Variants in ADAMTS1 observed in about 807,000 individuals in gnomAD.
The protein encoded by ADAMTS1 is A disintegrin and metalloproteinase with thrombospondin motifs 1.
ADAMTS1 carries 19 observed loss-of-function variants against 87.9 expected under a neutral mutation model. The ratio of observed to expected loss-of-function variants is 0.22; its 90% CI spans 0.15 to 0.32. The LOEUF (loss-of-function observed/expected upper bound fraction) is 0.32, where lower values mean the gene tolerates loss of function less well. ADAMTS1 is among the 10% of genes least tolerant of loss of function. The probability of loss-of-function intolerance (pLI) is 1.00; values close to 1 mark genes in which losing one functional copy is unlikely to be tolerated. For missense variants in ADAMTS1, 1,240 were observed against 1,259.1 expected (o/e 0.98, Z 0.23); for synonymous variants, 542 against 501.8 (o/e 1.08, Z -1.07).
In ADAMTS1 at chr21:26,836,061, G is replaced by C. The variant is rs1461814611; in HGVS notation, c.*1518C>G. ...ATTATTAGATACATTAGTAACAAAT[G>C]ACATCATAAATTTCTTTCTTTTTAG... On this transcript the variant is annotated 3_prime_UTR_variant, in exon 9 of 9. Coordinates refer to ENST00000284984, the MANE Select transcript of ADAMTS1 (RefSeq NM_006988.5). 6.6e-6 allele frequency: 1 copy of C among 152,130 alleles called. No homozygotes were observed. The highest frequency in any genetic ancestry group is 6.5e-5 in the Admixed American group (1 of 15,276). The allele number at this position is 152,130 out of a possible 1,614,324, so 9.4% of individuals were successfully genotyped here. A position where few individuals can be genotyped will look rare whatever the true frequency, so the allele number is the denominator to read the frequency against.
rs753013413 is a variant in ADAMTS1, at chr21:26,839,724, CGTT to C, written c.1888_1890del (p.Asn630del). On this transcript the variant is annotated inframe_deletion, in exon 7 of 9. Transcript: ENST00000284984. ...CTCCCAAAGGAAGCTTTTGAAAACT[CGTT>C]GTGTGCTTCACATTGTTCCTCTCTA... 1.2e-6 allele frequency: 2 copies of C among 1,613,044 alleles called. No homozygotes were observed. The highest frequency in any genetic ancestry group is 1.3e-5 in the African/African-American group (1 of 74,870).
chr21:26,842,605 C>T lies in ADAMTS1; in HGVS notation c.811G>A (p.Ala271Thr). Residue 271 changes from alanine to threonine, a missense_variant, in exon 2 of 9, where the codon GCA (alanine) becomes ACA (threonine). Ala to Thr is a moderately conservative substitution (Grantham distance 58). Around this residue, in one of 3 missense-constraint regions of ADAMTS1, gnomAD observed 521 missense variants for 449.7 expected, o/e 1.16. Coordinates refer to ENST00000284984, the MANE Select transcript of ADAMTS1 (RefSeq NM_006988.5). Reference protein sequence around the residue: ...ETMLVADQSMAEFHGSGLKHY... With the variant: ...ETMLVADQSMTEFHGSGLKHY... ...TTTAGACCACTGCCGTGGAATTCTG[C>T]CATCGACTGGTCTGCCACAAGCATG... 1 of 1,614,104 alleles carries T rather than the reference C, an allele frequency of 6.2e-7. No individual in the cohort carries two copies. Among genetic ancestry groups the T allele is most frequent in the Non-Finnish European group, 8.5e-7 (1 of 1,180,034 alleles).
At chr21:26,841,785 C>G in intron 3 of ADAMTS1, 73 bp downstream of exon 3, 2 of 1,503,194 alleles carry the variant, frequency 1.3e-6, no homozygotes, top group Non-Finnish European at 1.8e-6. Context: ...AACCTACAGA[C>G]TCTCCTTCTT....
Position 26,844,373 on chromosome 21 carries a change from G to T in ADAMTS1, c.582C>A (p.Val194=), listed in dbSNP as rs445784. 1,197,213 of 1,590,920 alleles carry T rather than the reference G, an allele frequency of 0.75. 455,935 individuals are homozygous for T. The highest frequency in any genetic ancestry group is 0.86 in the African/African-American group (64,087 of 74,458). Residue 194 remains valine (V), a synonymous_variant, in exon 1 of 9, where the codon GTC becomes GTA. Coordinates refer to ENST00000284984, the MANE Select transcript of ADAMTS1 (RefSeq NM_006988.5). ...HLLRRNRQGD[V]GGTCGVVDDE... Reference sequence around the variant, plus strand: ...CGTCCACGACCCCGCACGTGCCGCCGACGTCGCCCTGCCGATTCCGCCGCA... The same window carrying T: ...CGTCCACGACCCCGCACGTGCCGCCTACGTCGCCCTGCCGATTCCGCCGCA...
chr21:26,839,976 C>G lies in ADAMTS1; in HGVS notation c.1751G>C (p.Arg584Thr). 6.2e-7 allele frequency: 1 copy of G among 1,614,074 alleles called. No homozygotes were observed. The highest frequency in any genetic ancestry group is 8.5e-7 in the Non-Finnish European group (1 of 1,180,018). Residue 584 changes from arginine to threonine, a missense_variant, in exon 6 of 9, where the codon AGG becomes ACG. Around this residue, in one of 3 missense-constraint regions of ADAMTS1, gnomAD observed 317 missense variants for 410.3 expected, o/e 0.77. Transcript: ENST00000284984. Reference sequence around the variant, plus strand: ...CTTTGGGACTGGGTTGTCACATTCCCTCATCGTGTACTGGACTCCTCCACC... The same window carrying G: ...CTTTGGGACTGGGTTGTCACATTCCGTCATCGTGTACTGGACTCCTCCACC... ...TCGGGVQYTM[R>T]ECDNPVPKNG...
At position 26,836,234 on chromosome 21, in the gene ADAMTS1, C is replaced by G. The variant is rs1985361286; in HGVS notation, c.*1345G>C. 6.6e-6 allele frequency: 1 copy of G among 152,110 alleles called. No individual in the cohort carries two copies. The highest frequency in any genetic ancestry group is 1.5e-5 in the Non-Finnish European group (1 of 68,022). 9.4% of individuals were successfully genotyped at this position (152,110 alleles called of 1,614,324 possible). On this transcript the variant is annotated 3_prime_UTR_variant, in exon 9 of 9. Coordinates refer to ENST00000284984, the MANE Select transcript of ADAMTS1 (RefSeq NM_006988.5). ...CGGTCTTCAGATTCAATATTTGTGCCTCAGGTTTCCTTCCTAGGAATGAAT... is the reference window on the plus strand; with the variant it reads ...CGGTCTTCAGATTCAATATTTGTGCGTCAGGTTTCCTTCCTAGGAATGAAT...
chr21:26,838,019 T>C lies in ADAMTS1; in HGVS notation c.2464A>G (p.Thr822Ala). 6.2e-7 allele frequency: 1 copy of C among 1,614,254 alleles called. No individual in the cohort carries two copies. The highest frequency in any genetic ancestry group is 8.5e-7 in the Non-Finnish European group (1 of 1,180,038). The change falls in exon 9 of 9, where the codon ACC (threonine) becomes GCC (alanine). Residue 822 changes from threonine to alanine, a missense_variant. Thr to Ala is a moderately conservative substitution (Grantham distance 58, BLOSUM62 0). Coordinates refer to ENST00000284984, the MANE Select transcript of ADAMTS1 (RefSeq NM_006988.5). ...TTGCCCACAGTAAGAACCTGGATGG[T>C]CAAGGGCTCTTTGAGAGGGCTAAAG... Reference protein sequence around the residue: ...RSFSPLKEPLTIQVLTVGNAL... With the variant: ...RSFSPLKEPLAIQVLTVGNAL...
At position 26,840,397 on chromosome 21, in the gene ADAMTS1, G is replaced by A. The variant is rs746148237; in HGVS notation, c.1544C>T (p.Ser515Phe). ...TCSTLWCTGT[S>F]GGVLVCQTKH... ...GGTTTGACACACCAGCACCCCACCA[G>A]AGGTGCCGGTACACCACAAGGTGCT... The change falls in exon 5 of 9, where the codon TCT (serine) becomes TTT (phenylalanine). Residue 515 changes from serine to phenylalanine, a missense_variant. By Grantham distance (155) the Ser-to-Phe change is radical. Transcript: ENST00000284984. 79 of 1,614,120 alleles carry A rather than the reference G, an allele frequency of 4.9e-5. No individual in the cohort carries two copies. The Admixed American group carries it at 7.7e-4, about 16-fold the overall frequency.
In ADAMTS1 at chr21:26,844,957, G is replaced by A. The variant is rs1470448950; in HGVS notation, c.-3C>T. 2 of 1,499,362 alleles carry A rather than the reference G, an allele frequency of 1.3e-6. No homozygotes were observed. The highest frequency in any genetic ancestry group is 2.3e-5 in the Admixed American group (1 of 44,280). 92.9% of individuals were successfully genotyped at this position (1,499,362 alleles called of 1,614,324 possible). A position where few individuals can be genotyped will look rare whatever the true frequency, so the allele number is the denominator to read the frequency against. On this transcript the variant is annotated 5_prime_UTR_variant, in exon 1 of 9. Transcript: ENST00000284984. ...CCCTCGGGCACAGCTCGCTGCATTG[G>A]AGCCCCAGGAGACACCGCTCGTAGC...
chr21:26,839,895 T>G lies in ADAMTS1; in HGVS notation c.1832A>C (p.Glu611Ala). 1 of 1,614,074 alleles carries G rather than the reference T, an allele frequency of 6.2e-7. No homozygotes were observed. Residue 611 changes from glutamate to alanine, a missense_variant, in exon 6 of 9, where the codon GAG (glutamate) becomes GCG (alanine). By Grantham distance (107) the Glu-to-Ala change is moderately radical. This residue lies in a region of ADAMTS1 where 317 missense variants were observed against 410.3 expected (regional missense o/e 0.77). Transcript: ENST00000284984. ...KRVRYRSCNL[E>A]DCPDNNGKTF... Reference sequence around the variant, plus strand: ...CTCACCATTATTGTCTGGACAGTCCTCAAGGTTACAGGATCTGTAGCGCAC... The same window carrying G: ...CTCACCATTATTGTCTGGACAGTCCGCAAGGTTACAGGATCTGTAGCGCAC...
chr21:26,839,584 T>A lies in ADAMTS1; in HGVS notation c.2028+3A>T, dbSNP rs1374895148. On this transcript the variant is annotated splice_donor_region_variant and intron_variant, in intron 7 of 8. Coordinates refer to ENST00000284984, the MANE Select transcript of ADAMTS1 (RefSeq NM_006988.5). ...AGGTAAAAATAAGGTAAAAACGAACTACCTTGGGCTGCAAAACGAAGAAGT... is the reference window on the plus strand; with the variant it reads ...AGGTAAAAATAAGGTAAAAACGAACAACCTTGGGCTGCAAAACGAAGAAGT... The A allele has an allele frequency of 1.3e-6, 2 of 1,530,826 alleles. No homozygotes were observed. The highest frequency in any genetic ancestry group is 8.8e-7 in the Non-Finnish European group (1 of 1,134,398). The allele number at this position is 1,530,826 out of a possible 1,614,324, so 94.8% of individuals were successfully genotyped here. A position where few individuals can be genotyped will look rare whatever the true frequency, so the allele number is the denominator to read the frequency against.
At position 26,837,824 on chromosome 21, in the gene ADAMTS1, G is replaced by A; in HGVS notation, c.2659C>T (p.Gln887Ter). 1.9e-6 allele frequency: 3 copies of A among 1,614,192 alleles called. No individual in the cohort carries two copies. The highest frequency in any genetic ancestry group is 8.5e-7 in the Non-Finnish European group (1 of 1,180,050). Reference sequence around the variant, plus strand: ...TCCTTTGCACACTCGGAAGCAGGCTGTCCATTAATGTCTCGGCATTCTACC... The same window carrying A: ...TCCTTTGCACACTCGGAAGCAGGCTATCCATTAATGTCTCGGCATTCTACC... ...RLVECRDING[Q>*]PASECAKEVK... The change falls in exon 9 of 9, where the codon CAG becomes TAG. Residue 887 changes from glutamine (Q) to a stop codon, truncating the protein, a stop_gained. Transcript: ENST00000284984. LOFTEE classifies it high-confidence loss of function.
chr21:26,841,310 C>T, intron 3 of ADAMTS1, 145 bp from the exon 4 acceptor site: 1 of 780,682 alleles, frequency 1.3e-6, no homozygotes, highest in South Asian at 1.9e-5. Context: ...GAAACCCCGT[C>T]TCTACTAAAA....
At chr21:26,841,606 T>C in intron 3 of ADAMTS1, 1 of 388,652 alleles carries the variant, frequency 2.6e-6, no homozygotes, top group Non-Finnish European at 4.5e-6. Context: ...ATTGGCTCTT[T>C]TGCAGACCAT....
chr21:26,837,007 T>A lies in ADAMTS1; in HGVS notation c.*572A>T, dbSNP rs1985378519. The A allele has an allele frequency of 6.6e-6, 1 of 152,562 alleles. No individual in the cohort carries two copies. The highest frequency in any genetic ancestry group is 6.5e-5 in the Admixed American group (1 of 15,344). 9.5% of individuals were successfully genotyped at this position (152,562 alleles called of 1,614,324 possible). ...GCGTTATTTCACGTTGCTGAGCCTT[T>A]CTCTCATGTTGAACAATCTGAAGTT... On this transcript the variant is annotated 3_prime_UTR_variant, in exon 9 of 9. Coordinates refer to ENST00000284984, the MANE Select transcript of ADAMTS1 (RefSeq NM_006988.5).
intron 3 of ADAMTS1, chr21:26,841,428 G>A (rs1473583040): frequency 4.0e-5 from 14 of 351,192 alleles, no homozygotes; most frequent in Middle Eastern, 7.8e-4. Context: ...GCAGTGAGCC[G>A]AGATTGTGCC....
chr21:26,837,919 A>T lies in ADAMTS1; in HGVS notation c.2564T>A (p.Phe855Tyr). 1 of 1,614,228 alleles carries T rather than the reference A, an allele frequency of 6.2e-7. No homozygotes were observed. Among genetic ancestry groups the T allele is most frequent in the Non-Finnish European group, 8.5e-7 (1 of 1,180,046 alleles). ...KKESFNAIPTFSAWVIEEWGE... is the reference protein window; with the variant it reads ...KKESFNAIPTYSAWVIEEWGE... Reference sequence around the variant, plus strand: ...CCACTCTTCAATGACCCATGCTGAAAAAGTGGGGATAGCATTGAAAGATTC... The same window carrying T: ...CCACTCTTCAATGACCCATGCTGAATAAGTGGGGATAGCATTGAAAGATTC... The change falls in exon 9 of 9, where the codon TTT becomes TAT. Residue 855 changes from phenylalanine to tyrosine, a missense_variant. By Grantham distance (22) the Phe-to-Tyr change is conservative. This residue lies in a region of ADAMTS1 where 402 missense variants were observed against 399.1 expected (regional missense o/e 1.01). Transcript: ENST00000284984.
chr21:26,841,731 T>C (rs1985498052), intron 3 of ADAMTS1, 127 bp downstream of exon 3: 1 of 1,091,536 alleles, frequency 9.2e-7, no homozygotes, highest in Non-Finnish European at 1.3e-6. Flanking sequence ...GACAAAATAT[T>C]TTCTATAGTT....
Position 26,838,027 on chromosome 21 carries a change from T to C in ADAMTS1, c.2456A>G (p.Glu819Gly), listed in dbSNP as rs1167191780. ...ERIRSFSPLK[E>G]PLTIQVLTVG... is the part of the protein sequence containing the mutation. ...AGTAAGAACCTGGATGGTCAAGGGCTCTTTGAGAGGGCTAAAGCTGCGAAT... is the reference window on the plus strand; with the variant it reads ...AGTAAGAACCTGGATGGTCAAGGGCCCTTTGAGAGGGCTAAAGCTGCGAAT... Residue 819 changes from glutamate (E) to glycine (G), a missense_variant, in exon 9 of 9, where the codon GAG becomes GGG. Physicochemically the swap from Glu to Gly is moderately conservative, Grantham distance 98. Coordinates refer to ENST00000284984, the MANE Select transcript of ADAMTS1 (RefSeq NM_006988.5). 1 of 1,614,228 alleles carries C rather than the reference T, an allele frequency of 6.2e-7. No individual in the cohort carries two copies. The highest frequency in any genetic ancestry group is 2.2e-5 in the East Asian group (1 of 44,886).
Sources: gnomAD v4.1 joint callset for allele counts on GRCh38, gnomAD v4.1.1 for gene constraint, gnomAD v4.1.1 regional missense constraint, MANE v1.5 for transcripts, NCBI Gene and HGNC (gene_info 2026-07-23, HGNC 2026-07-21) for gene names.